The following RBM33 variants were observed in gnomAD, a reference collection of about 807,000 sequenced individuals.
RBM33 encodes RNA-binding protein 33.
RBM33 carries 28 observed loss-of-function variants against 132.6 expected under a neutral mutation model. The observed-to-expected ratio is 0.21, with a 90% CI of 0.16 to 0.29. RBM33 has a LOEUF of 0.29. RBM33 is among the 10% of genes least tolerant of loss of function. The probability of loss-of-function intolerance (pLI) is 1.00; values close to 1 mark genes in which losing one functional copy is unlikely to be tolerated. For synonymous variants in RBM33, 634 were observed against 593.0 expected (o/e 1.07, Z -1.01); for missense variants, 1,291 against 1,518.5 (o/e 0.85, Z 2.49).
intron 14 of RBM33, among the ~76,000 whole-genome samples, chr7:155,749,471 C>A (rs183900795): frequency 1.3e-5 from 2 of 152,170 alleles, no homozygotes; most frequent in East Asian, 3.8e-4. Flanking sequence ...TCACCCTTGT[C>A]TATGATAGTT....
intron 1 of RBM33, among the ~76,000 whole-genome samples, chr7:155,655,836 C>T (rs1798478498): frequency 6.6e-6 from 1 of 152,070 alleles, no homozygotes; most frequent in Non-Finnish European, 1.5e-5. Flanking sequence ...GGGAAGCTCA[C>T]TTGAACCCAA....
At chr7:155,728,029 C>G (rs1800842607) in intron 9 of RBM33, among the ~76,000 whole-genome samples, 1 of 152,214 alleles carries the variant, frequency 6.6e-6, no homozygotes, top group African/African-American at 2.4e-5. Context: ...CTTGGGGTCC[C>G]AAAGTGCTAA....
intron 5 of RBM33, chr7:155,685,124 T>C: frequency 6.8e-7 from 1 of 1,474,172 alleles, no homozygotes; most frequent in Non-Finnish European, 9.2e-7. Context: ...TGAGCATCTT[T>C]TTAGCATTAG....
chr7:155,669,897 C>T (rs1398561798), intron 2 of RBM33, among the ~76,000 whole-genome samples: 1 of 152,116 alleles, frequency 6.6e-6, no homozygotes, highest in Non-Finnish European at 1.5e-5. Flanking sequence ...TCCCAATGGG[C>T]GAATCCATCT....
chr7:155,690,819 G>A (rs1030660794), intron 5 of RBM33, among the ~76,000 whole-genome samples: 18 of 152,276 alleles, frequency 1.2e-4, no homozygotes, highest in African/African-American at 3.9e-4. Flanking sequence ...GGCTTGTAGA[G>A]TTTCTGCTGA....
chr7:155,769,968 A>C (rs539720364), intron 16 of RBM33, among the ~76,000 whole-genome samples: 2 of 152,324 alleles, frequency 1.3e-5, no homozygotes, highest in South Asian at 4.1e-4. Flanking sequence ...AGGAGGATTG[A>C]AGAGACCTGT....
At chr7:155,661,128 G>GCA in intron 1 of RBM33, among the ~76,000 whole-genome samples, 1 of 82,150 alleles carries the variant, frequency 1.2e-5, no homozygotes. Context: ...GTGTGTGTGT[G>GCA]TGTATATATA....
intron 9 of RBM33, among the ~76,000 whole-genome samples, chr7:155,725,767 C>G (rs1043071842): frequency 6.6e-6 from 1 of 152,202 alleles, no homozygotes; most frequent in Non-Finnish European, 1.5e-5. Flanking sequence ...TCTTGTTTCA[C>G]TGCTTGAACC....
chr7:155,758,203 A>G (rs986697859), intron 14 of RBM33, among the ~76,000 whole-genome samples: 1 of 152,348 alleles, frequency 6.6e-6, no homozygotes, highest in Admixed American at 6.5e-5. Context: ...AAGTGAATAT[A>G]TTGAATAATA....
chr7:155,732,819 T>C (rs1421064471), intron 9 of RBM33, among the ~76,000 whole-genome samples: 2 of 152,188 alleles, frequency 1.3e-5, no homozygotes, highest in Admixed American at 6.5e-5. Flanking sequence ...TGTGAAGTTA[T>C]CCTGGGCAGT....
In RBM33 at chr7:155,713,672, G is replaced by A. The variant is rs77701746; in HGVS notation, c.1201+2217G>A. Among the ~76,000 whole-genome samples, 617 of 152,280 alleles carry A rather than the reference G, an allele frequency of 4.1e-3. 8 individuals are homozygous for A. The highest frequency in any genetic ancestry group is 0.014 in the African/African-American group (594 of 41,574). On this transcript the variant is annotated intron_variant, in intron 8 of 17. Transcript: ENST00000401878. ...GGCTGAGATGGGGCACGGACTTGAG[G>A]CCACTGTATTGACAGACTTTGACTG...
intron 5 of RBM33, among the ~76,000 whole-genome samples, chr7:155,685,589 G>T (rs973369654): frequency 1.3e-5 from 2 of 152,220 alleles, no homozygotes; most frequent in African/African-American, 4.8e-5. Flanking sequence ...AAACCCCGTG[G>T]GGAGAGAGGT....
chr7:155,752,887 G>A (rs1801729802), intron 14 of RBM33, among the ~76,000 whole-genome samples: 1 of 152,138 alleles, frequency 6.6e-6, no homozygotes, highest in South Asian at 2.1e-4. Flanking sequence ...TTCCTCTTCT[G>A]CAGCCCGATC....
intron 1 of RBM33, among the ~76,000 whole-genome samples, chr7:155,656,161 T>C (rs1489171847): frequency 1.3e-5 from 2 of 152,372 alleles, no homozygotes; most frequent in African/African-American, 4.8e-5. Flanking sequence ...TATTGTGAGC[T>C]TGAAAACTTC....
chr7:155,701,273 T>C (rs575974833), intron 6 of RBM33: 26 of 433,756 alleles, frequency 6.0e-5, no homozygotes, highest in African/African-American at 5.2e-4. Context: ...ATGGTAGCTA[T>C]GGGGCCAGGT....
Position 155,673,768 on chromosome 7 carries a change from G to GCGCGCGCGCACTCACACACA in RBM33, c.171+854_171+855insGCGCGCGCACTCACACACAC, listed in dbSNP as rs1554469952. 2.1e-4 allele frequency among the ~76,000 whole-genome samples: 28 copies of GCGCGCGCGCACTCACACACA among 132,962 alleles called. 1 individual carries two copies. The highest frequency in any genetic ancestry group is 8.8e-4 in the African/African-American group (27 of 30,836). The allele number at this position is 132,962 out of a possible 152,430, so 87.2% of individuals were successfully genotyped here. On this transcript the variant is annotated intron_variant, in intron 3 of 17. Coordinates refer to ENST00000401878, the MANE Select transcript of RBM33 (RefSeq NM_053043.3). ...CACGTGTATATACGCGCGCATGCGCGCACACACACACACACACACACACAC... is the reference window on the plus strand; with the variant it reads ...CACGTGTATATACGCGCGCATGCGCGCGCGCGCGCACTCACACACACACACACACACACACACACACACAC...
chr7:155,740,202 T>G (rs1282253839), intron 12 of RBM33, among the ~76,000 whole-genome samples, 176 bp downstream of exon 12: 2 of 152,254 alleles, frequency 1.3e-5, no homozygotes, highest in Non-Finnish European at 2.9e-5. Flanking sequence ...GGTGATTTGT[T>G]TTCTTGACTA....
At chr7:155,704,548 C>T (rs1412522940) in intron 6 of RBM33, among the ~76,000 whole-genome samples, 3 of 152,162 alleles carry the variant, frequency 2.0e-5, no homozygotes, top group Non-Finnish European at 4.4e-5. Context: ...CCCCCAATTG[C>T]CAGTCCTGCA....
rs1414412759 is a variant in RBM33 at position 155,728,573 on chromosome 7, G to A, written c.1261-8957G>A. 2.6e-5 allele frequency among the ~76,000 whole-genome samples: 4 copies of A among 152,150 alleles called. No individual in the cohort carries two copies. The East Asian group carries it at 5.8e-4, about 22-fold the overall frequency. ...GTCTTACCTCTTTAATGCAGCTCTTGTAGATTGATCAGGTGAGTACTGATA... is the reference window on the plus strand; with the variant it reads ...GTCTTACCTCTTTAATGCAGCTCTTATAGATTGATCAGGTGAGTACTGATA... On this transcript the variant is annotated intron_variant, in intron 9 of 17. Coordinates refer to ENST00000401878, the MANE Select transcript of RBM33 (RefSeq NM_053043.3).
Sources: allele counts gnomAD v4.1 joint callset (sites outside exome capture counted in the v4.1 genomes callset), GRCh38; gene constraint gnomAD v4.1.1; transcripts MANE v1.5; gene names NCBI Gene and HGNC (gene_info 2026-07-23, HGNC 2026-07-21).